WDR7: variants seen among roughly 807,000 people sequenced by gnomAD.
The protein encoded by WDR7 is WD repeat-containing protein 7.
WDR7 carries 46 observed loss-of-function variants against 169.4 expected under a neutral mutation model. The observed-to-expected ratio is 0.27, with a 90% CI of 0.21 to 0.35. The LOEUF (loss-of-function observed/expected upper bound fraction) is 0.35, where lower values mean the gene tolerates loss of function less well. WDR7 is among the 10% of genes least tolerant of loss of function. The probability of loss-of-function intolerance (pLI) is 1.00; values close to 1 mark genes in which losing one functional copy is unlikely to be tolerated. For synonymous variants in WDR7, 612 were observed against 666.8 expected (o/e 0.92, Z 1.27); for missense variants, 1,534 against 1,859.3 (o/e 0.83, Z 3.22).
chr18:56,706,904 C>G (rs1324558480), intron 12 of WDR7, among the ~76,000 whole-genome samples: 1 of 149,946 alleles, frequency 6.7e-6, no homozygotes, highest in East Asian at 2.0e-4. Flanking sequence ...GCCAGGATGG[C>G]ATCAATCTCT....
chr18:57,004,097 T>C (rs980121952), intron 26 of WDR7, among the ~76,000 whole-genome samples: 3 of 151,782 alleles, frequency 2.0e-5, no homozygotes, highest in African/African-American at 7.3e-5. Context: ...GTTTCTCACC[T>C]GGCCTACACA....
chr18:56,987,534 G>T (rs1299213711), intron 26 of WDR7, among the ~76,000 whole-genome samples: 1 of 152,130 alleles, frequency 6.6e-6, no homozygotes, highest in Admixed American at 6.6e-5. Context: ...CAGTGAATTG[G>T]AAAGCAGCTT....
intron 20 of WDR7, among the ~76,000 whole-genome samples, chr18:56,869,572 A>C (rs1357811400): frequency 2.0e-5 from 3 of 152,194 alleles, no homozygotes; most frequent in African/African-American, 4.8e-5. Context: ...CAGTGGGGGA[A>C]AATCTATGCC....
At chr18:56,916,558 C>T (rs1291524230) in intron 21 of WDR7, among the ~76,000 whole-genome samples, 1 of 152,086 alleles carries the variant, frequency 6.6e-6, no homozygotes, top group Non-Finnish European at 1.5e-5. Context: ...AAATGGAAGG[C>T]TGGGAACGAC....
intron 26 of WDR7, among the ~76,000 whole-genome samples, chr18:56,999,624 C>T (rs1412017844): frequency 6.6e-6 from 1 of 152,064 alleles, no homozygotes; most frequent in African/African-American, 2.4e-5. Context: ...GAAAGATGTT[C>T]TTTGTGTTGA....
intron 26 of WDR7, among the ~76,000 whole-genome samples, chr18:56,976,883 C>T (rs1273811804): frequency 6.6e-6 from 1 of 152,148 alleles, no homozygotes; most frequent in Non-Finnish European, 1.5e-5. Context: ...GGAAGGCAAC[C>T]AACATTTGCC....
intron 16 of WDR7, among the ~76,000 whole-genome samples, chr18:56,762,223 A>G (rs1161831741): frequency 6.6e-6 from 1 of 151,946 alleles, no homozygotes; most frequent in Non-Finnish European, 1.5e-5. Context: ...ATTTGATTTA[A>G]TATTTTTTAT....
At chr18:56,966,451 G>C (rs184998443) in intron 26 of WDR7, among the ~76,000 whole-genome samples, 2 of 152,004 alleles carry the variant, frequency 1.3e-5, no homozygotes, top group Non-Finnish European at 2.9e-5. Context: ...TTGATGAAGA[G>C]TAAATAGATT....
At chr18:56,949,478 T>A (rs2047151009) in intron 25 of WDR7, among the ~76,000 whole-genome samples, 1 of 152,254 alleles carries the variant, frequency 6.6e-6, no homozygotes, top group South Asian at 2.1e-4. Flanking sequence ...TGGAATTTAA[T>A]ATCTATGCAT....
intron 14 of WDR7, 66 bp from the exon 15 acceptor site, chr18:56,756,517 T>G: frequency 7.7e-7 from 1 of 1,292,088 alleles, no homozygotes; most frequent in Non-Finnish European, 1.0e-6. Flanking sequence ...TATTTATTGT[T>G]TATTAATGAA....
At chr18:56,701,120 A>G (rs369607402) in intron 12 of WDR7, among the ~76,000 whole-genome samples, 1 of 152,226 alleles carries the variant, frequency 6.6e-6, no homozygotes, top group African/African-American at 2.4e-5. Context: ...ATAAGCTTAC[A>G]TTTTAGAAGG....
intron 12 of WDR7, among the ~76,000 whole-genome samples, chr18:56,702,941 T>C (rs76274938): frequency 0.033 from 4,965 of 152,300 alleles, 269 homozygotes; most frequent in African/African-American, 0.11. Context: ...AACAGAAGTT[T>C]TCGAAAATGC....
intron 25 of WDR7, among the ~76,000 whole-genome samples, chr18:56,955,066 A>G (rs1383827535): frequency 6.6e-6 from 1 of 152,102 alleles, no homozygotes; most frequent in Non-Finnish European, 1.5e-5. Flanking sequence ...AACTCCTCCA[A>G]ATCTGTGGTT....
intron 20 of WDR7, among the ~76,000 whole-genome samples, chr18:56,878,695 C>T (rs2046063198): frequency 1.3e-5 from 2 of 152,126 alleles, no homozygotes; most frequent in African/African-American, 2.4e-5. Context: ...CTCCCTAAAA[C>T]TAGTACTTAT....
chr18:56,780,970 A>G (rs1427483189), intron 18 of WDR7, among the ~76,000 whole-genome samples: 2 of 152,252 alleles, frequency 1.3e-5, no homozygotes, highest in Non-Finnish European at 2.9e-5. Context: ...CTATAAAACT[A>G]AAATAAGTTA....
intron 19 of WDR7, among the ~76,000 whole-genome samples, chr18:56,805,134 G>A (rs2044749491): frequency 6.6e-6 from 1 of 152,096 alleles, no homozygotes; most frequent in South Asian, 2.1e-4. Flanking sequence ...TTTGGGTTGG[G>A]TTGGGTTCTA....
Position 56,679,409 on chromosome 18 carries a change from A to T in WDR7, c.237A>T (p.Lys79Asn). 1 of 1,612,012 alleles carries T rather than the reference A, an allele frequency of 6.2e-7. No homozygotes were observed. Among genetic ancestry groups the T allele is most frequent in the South Asian group, 1.1e-5 (1 of 90,966 alleles). The change falls in exon 3 of 28, where the codon AAA becomes AAT. Residue 79 changes from lysine to asparagine, a missense_variant. Lys to Asn is a moderately conservative substitution (Grantham distance 94, BLOSUM62 0). Coordinates refer to ENST00000254442, the MANE Select transcript of WDR7 (RefSeq NM_015285.3). The part of the protein sequence containing the change: ...CLSKACASSD[K>N]QYIVSASESG... ...CTAAAGCTTGTGCTTCCAGTGACAA[A>T]CAGTATATTGTGAGTGCATCTGAAA...
chr18:56,744,008 T>A (rs904478268), intron 14 of WDR7, among the ~76,000 whole-genome samples: 1 of 151,750 alleles, frequency 6.6e-6, no homozygotes, highest in African/African-American at 2.4e-5. Context: ...TCCCAGCACT[T>A]TGGGAGGCCG....
At chr18:56,726,374 T>C (rs2026455428) in intron 13 of WDR7, among the ~76,000 whole-genome samples, 1 of 152,172 alleles carries the variant, frequency 6.6e-6, no homozygotes, top group Non-Finnish European at 1.5e-5. Flanking sequence ...TCATATCCCT[T>C]GTAAGTTGGA....
Sources: gnomAD v4.1 joint callset for allele counts (sites outside exome capture counted in the v4.1 genomes callset) on GRCh38, gnomAD v4.1.1 for gene constraint, MANE v1.5 for transcripts, NCBI Gene and HGNC (gene_info 2026-07-23, HGNC 2026-07-21) for gene names.